The following HTR7 variants were observed in gnomAD, a reference collection of about 807,000 sequenced individuals.
HTR7 encodes 5-HT-7.
A neutral mutation model predicts 34.0 loss-of-function variants in HTR7; 16 were observed. The ratio of observed to expected loss-of-function variants is 0.47; its 90% confidence interval spans 0.32 to 0.71. The LOEUF is 0.71. HTR7 is among the 30% of genes least tolerant of loss of function. HTR7 has a pLI of 0.04. For missense variants in HTR7, 504 were observed against 625.5 expected (o/e 0.81, Z 2.07); for synonymous variants, 265 against 260.2 (o/e 1.02, Z -0.18).
chr10:90,803,055 C>T (rs192395690), intron 1 of HTR7, among the ~76,000 whole-genome samples: 4 of 136,768 alleles, frequency 2.9e-5, no homozygotes, highest in African/African-American at 1.1e-4. Context: ...AGCAGCAGAT[C>T]CATATGGGCC....
At chr10:90,747,100 T>C (rs1243144845) in intron 2 of HTR7, among the ~76,000 whole-genome samples, 1 of 152,254 alleles carries the variant, frequency 6.6e-6, no homozygotes, top group Non-Finnish European at 1.5e-5. Flanking sequence ...TGTGTGAACA[T>C]AGGTCAGTTA....
intron 1 of HTR7, among the ~76,000 whole-genome samples, chr10:90,756,908 A>C (rs1001749499): frequency 6.6e-6 from 1 of 152,160 alleles, no homozygotes; most frequent in Admixed American, 6.5e-5. Context: ...CAATTATACA[A>C]AGTCATGAAA....
intron 1 of HTR7, among the ~76,000 whole-genome samples, chr10:90,790,717 A>C (rs1372264436): frequency 6.6e-6 from 1 of 152,180 alleles, no homozygotes; most frequent in African/African-American, 2.4e-5. Context: ...ATACTGTATC[A>C]GTTACACTAA....
At chr10:90,799,647 G>A (rs1442615403) in intron 1 of HTR7, among the ~76,000 whole-genome samples, 1 of 152,008 alleles carries the variant, frequency 6.6e-6, no homozygotes, top group Non-Finnish European at 1.5e-5. Context: ...ATATACACTG[G>A]TATAATGGTA....
In HTR7 at chr10:90,741,164, T is replaced by C. The variant is rs1844536040; in HGVS notation, c.*1318A>G. ...CTTGCTTTATTGTAGGAAAATAATA[T>C]TCTCTTTCAGTTCACTCTTATCAAA... On this transcript the variant is annotated 3_prime_UTR_variant, in exon 4 of 4. Transcript: ENST00000336152. 2.0e-5 allele frequency: 3 copies of C among 152,576 alleles called. No individual in the cohort carries two copies. In the South Asian group the frequency reaches 6.2e-4, roughly 32 times the overall value. 9.5% of individuals were successfully genotyped at this position (152,576 alleles called of 1,614,324 possible). A position where few individuals can be genotyped will look rare whatever the true frequency, so the allele number is the denominator to read the frequency against.
intron 1 of HTR7, among the ~76,000 whole-genome samples, chr10:90,794,340 ATTAT>A (rs1028850098): frequency 1.1e-4 from 16 of 152,154 alleles, no homozygotes; most frequent in African/African-American, 3.9e-4. Context: ...CCTGCCTGAG[ATTAT>A]TTTACAGTTA....
intron 1 of HTR7, among the ~76,000 whole-genome samples, chr10:90,847,666 T>TCAGAGC (rs1289490256): frequency 6.6e-6 from 1 of 152,174 alleles, no homozygotes; most frequent in African/African-American, 2.4e-5. Flanking sequence ...CAGATACCAA[T>TCAGAGC]CAGAGCTAAA....
chr10:90,754,774 T>C (rs2119694900), intron 1 of HTR7, among the ~76,000 whole-genome samples: 1 of 152,324 alleles, frequency 6.6e-6, no homozygotes, highest in Admixed American at 6.5e-5. Flanking sequence ...AATGGCTTCT[T>C]CTGAGTTTCA....
At chr10:90,789,224 A>G (rs972669115) in intron 1 of HTR7, among the ~76,000 whole-genome samples, 5 of 152,122 alleles carry the variant, frequency 3.3e-5, no homozygotes, top group Non-Finnish European at 7.4e-5. Flanking sequence ...TTGTTATACC[A>G]CAAAAAGCTC....
chr10:90,760,460 A>G (rs955683390), intron 1 of HTR7, among the ~76,000 whole-genome samples: 1 of 152,244 alleles, frequency 6.6e-6, no homozygotes, highest in African/African-American at 2.4e-5. Context: ...TTAACAATGC[A>G]TATATAGATT....
intron 1 of HTR7, among the ~76,000 whole-genome samples, chr10:90,831,238 T>A (rs976167612): frequency 2.0e-5 from 3 of 152,194 alleles, no homozygotes; most frequent in Non-Finnish European, 4.4e-5. Flanking sequence ...GCCGTGAGTG[T>A]TACAGTTCTT....
At chr10:90,813,954 T>A (rs1368315389) in intron 1 of HTR7, among the ~76,000 whole-genome samples, 2 of 152,124 alleles carry the variant, frequency 1.3e-5, no homozygotes, top group African/African-American at 2.4e-5. Context: ...GTCTATAAAA[T>A]CCGGTACACT....
intron 1 of HTR7, among the ~76,000 whole-genome samples, chr10:90,766,497 G>A (rs1845027028): frequency 6.6e-6 from 1 of 152,068 alleles, no homozygotes; most frequent in African/African-American, 2.4e-5. Context: ...TATGTCTTTT[G>A]TGTGTGGAGA....
At chr10:90,836,514 A>AT (rs1313481838) in intron 1 of HTR7, among the ~76,000 whole-genome samples, 1 of 152,028 alleles carries the variant, frequency 6.6e-6, no homozygotes, top group Non-Finnish European at 1.5e-5. Flanking sequence ...TGTTAATTAA[A>AT]ATTTTTTTAA....
intron 1 of HTR7, among the ~76,000 whole-genome samples, chr10:90,790,166 A>C (rs776407143): frequency 6.6e-6 from 1 of 152,174 alleles, no homozygotes; most frequent in Non-Finnish European, 1.5e-5. Flanking sequence ...CAAACATTTG[A>C]TTCAAGTTTC....
chr10:90,822,450 T>C (rs959899608), intron 1 of HTR7, among the ~76,000 whole-genome samples: 1 of 152,234 alleles, frequency 6.6e-6, no homozygotes, highest in Non-Finnish European at 1.5e-5. Context: ...ATTCAAGACA[T>C]GGCCTGGCTG....
intron 1 of HTR7, among the ~76,000 whole-genome samples, chr10:90,837,392 G>A (rs1010140747): frequency 9.2e-5 from 14 of 152,188 alleles, no homozygotes; most frequent in Non-Finnish European, 1.9e-4. Flanking sequence ...TTGCCTAAAA[G>A]TTCATGTGTT....
intron 1 of HTR7, among the ~76,000 whole-genome samples, chr10:90,762,427 T>C (rs746662721): frequency 1.9e-4 from 29 of 152,240 alleles, no homozygotes; most frequent in Non-Finnish European, 3.8e-4. Context: ...TCCATATGTA[T>C]GTCTTCTTTG....
intron 1 of HTR7, among the ~76,000 whole-genome samples, chr10:90,832,752 A>G (rs1266240109): frequency 1.3e-5 from 2 of 152,282 alleles, no homozygotes; most frequent in Admixed American, 1.3e-4. Context: ...TAGGAAAACC[A>G]TAAGAGTTCA....
Sources: gnomAD v4.1 joint callset for allele counts (sites outside exome capture counted in the v4.1 genomes callset) on GRCh38, gnomAD v4.1.1 for gene constraint, MANE v1.5 for transcripts, NCBI Gene and HGNC (gene_info 2026-07-23, HGNC 2026-07-21) for gene names.